HAPLN4: variants seen among roughly 807,000 people sequenced by gnomAD.
The protein encoded by HAPLN4 is brain link protein 2.
HAPLN4 carries 19 observed loss-of-function variants against 28.0 expected under a neutral mutation model. The observed-to-expected ratio is 0.68, with a 90% CI of 0.47 to 1.00. The LOEUF (loss-of-function observed/expected upper bound fraction) is 1.00, where lower values mean the gene tolerates loss of function less well. Among genes scored for constraint, HAPLN4 ranks in the 50% least tolerant of loss-of-function variants. The pLI is 0.00. For missense variants in HAPLN4, 587 were observed against 602.6 expected (o/e 0.97, Z 0.27); for synonymous variants, 274 against 273.0 (o/e 1.00, Z -0.03).
chr19:19,261,040 C>G lies in HAPLN4; in HGVS notation c.257G>C (p.Trp86Ser). 1 of 1,613,478 alleles carries G rather than the reference C, an allele frequency of 6.2e-7. No individual in the cohort carries two copies. The highest frequency in any genetic ancestry group is 8.5e-7 in the Non-Finnish European group (1 of 1,179,996). The change falls in exon 3 of 5, where the codon TGG (tryptophan) becomes TCG (serine). Residue 86 changes from tryptophan to serine, a missense_variant. Transcript: ENST00000291481. ...GGCCAGCGGGTCCACCACCTTTGTC[C>G]ACTTGAGCCGGACGCCGTCGTGACC... ...AHGHDGVRLKWTKVVDPLAFT... is the reference protein window; with the variant it reads ...AHGHDGVRLKSTKVVDPLAFT...
chr19:19,258,705 C>A lies in HAPLN4; in HGVS notation c.635G>T (p.Gly212Val). Residue 212 changes from glycine to valine, a missense_variant, in exon 4 of 5, where the codon GGC (glycine) becomes GTC (valine). Coordinates refer to ENST00000291481, the MANE Select transcript of HAPLN4 (RefSeq NM_023002.3). This position sits in a 1 kb window ranked among gnomAD's most constrained non-coding sequence, Gnocchi z 6.2. ...WRDGLDWCNAGWLRDGSVQYP... is the reference protein window; with the variant it reads ...WRDGLDWCNAVWLRDGSVQYP... ...TTGCACTGAGCCGTCGCGCAACCAG[C>A]CCGCGTTGCACCAGTCCAGGCCGTC... 6.2e-7 allele frequency: 1 copy of A among 1,605,626 alleles called. No individual in the cohort carries two copies.
chr19:19,257,811 C>G lies in HAPLN4; in HGVS notation c.*6G>C. On this transcript the variant is annotated 3_prime_UTR_variant, in exon 5 of 5. Transcript: ENST00000291481. ...CAAGCGCCCTGGCTGTCCGCCTACT[C>G]CCAGCCTAGACGTGCAGAGGGGTCC... The G allele has an allele frequency of 7.2e-7, 1 of 1,396,402 alleles. No homozygotes were observed. Among genetic ancestry groups the G allele is most frequent in the Non-Finnish European group, 9.2e-7 (1 of 1,083,262 alleles). 86.5% of individuals were successfully genotyped at this position (1,396,402 alleles called of 1,614,324 possible).
intron 3 of HAPLN4, among the ~76,000 whole-genome samples, chr19:19,260,224 T>C (rs545568114): frequency 4.4e-4 from 67 of 152,242 alleles, no homozygotes; most frequent in African/African-American, 1.5e-3. Context: ...TGTATTTATT[T>C]ATTTATTTTT....
chr19:19,259,855 A>G (rs1599832926), intron 3 of HAPLN4, among the ~76,000 whole-genome samples: 1 of 151,930 alleles, frequency 6.6e-6, no homozygotes, highest in Admixed American at 6.6e-5. Flanking sequence ...TCAAATAGAA[A>G]CCCCACCTCC....
chr19:19,258,873 G>T lies in HAPLN4; in HGVS notation c.485-18C>A. On this transcript the variant is annotated intron_variant, in intron 3 of 4. Coordinates refer to ENST00000291481, the MANE Select transcript of HAPLN4 (RefSeq NM_023002.3). This position sits in a 1 kb window ranked among gnomAD's most constrained non-coding sequence, Gnocchi z 6.2. The stretch of plus-strand genomic sequence containing the variant: ...GACCACGCCTGGCGGGGGGCGCACG[G>T]GATCAGCAGGTACACCCCAGCCCAC... 22 of 1,512,460 alleles carry T rather than the reference G, an allele frequency of 1.5e-5. No individual in the cohort carries two copies. Among genetic ancestry groups the T allele is most frequent in the Non-Finnish European group, 1.9e-5 (22 of 1,128,888 alleles). 93.7% of individuals were successfully genotyped at this position (1,512,460 alleles called of 1,614,324 possible). A position where few individuals can be genotyped will look rare whatever the true frequency, so the allele number is the denominator to read the frequency against.
Position 19,257,621 on chromosome 19 carries a change from C to A in HAPLN4, c.*196G>T. 1 of 536,056 alleles carries A rather than the reference C, an allele frequency of 1.9e-6. No individual in the cohort carries two copies. The allele number at this position is 536,056 out of a possible 1,614,324, so 33.2% of individuals were successfully genotyped here. On this transcript the variant is annotated 3_prime_UTR_variant, in exon 5 of 5. Transcript: ENST00000291481. Reference sequence around the variant, plus strand: ...CTATCCAGAAGAGGTGAGGGCTGGCCAGGCTCCAGGGAACTCCAAAGTACT... The same window carrying A: ...CTATCCAGAAGAGGTGAGGGCTGGCAAGGCTCCAGGGAACTCCAAAGTACT...
rs545136731 is a variant in HAPLN4 at position 19,258,514 on chromosome 19, C to A, written c.817+9G>T. The A allele has an allele frequency of 6.2e-7, 1 of 1,611,964 alleles. No homozygotes were observed. The highest frequency in any genetic ancestry group is 2.2e-5 in the East Asian group (1 of 44,864). On this transcript the variant is annotated intron_variant, in intron 4 of 4. Transcript: ENST00000291481. This position sits in a 1 kb window ranked among gnomAD's most constrained non-coding sequence, Gnocchi z 6.2. ...AGCAGAGGCCAGTCTTGGGGTGAGG[C>A]CTACGCACCCGGCAGGTTGGACGTG...
rs2060964462 is a variant in HAPLN4, at chr19:19,255,966, G to C, written c.*1851C>G. On this transcript the variant is annotated 3_prime_UTR_variant, in exon 5 of 5. Coordinates refer to ENST00000291481, the MANE Select transcript of HAPLN4 (RefSeq NM_023002.3). ...ATGGATCATGTCCCCCCAGCTGCCTGTCAACGCCGAGGACTTCGGCTGGGT... is the reference window on the plus strand; with the variant it reads ...ATGGATCATGTCCCCCCAGCTGCCTCTCAACGCCGAGGACTTCGGCTGGGT... 6.6e-6 allele frequency: 1 copy of C among 152,316 alleles called. No individual in the cohort carries two copies. The allele number at this position is 152,316 out of a possible 1,614,324, so 9.4% of individuals were successfully genotyped here.
intron 3 of HAPLN4, among the ~76,000 whole-genome samples, chr19:19,259,209 A>C (rs1011804871): frequency 6.6e-6 from 1 of 152,028 alleles, no homozygotes; most frequent in Non-Finnish European, 1.5e-5. Context: ...TGCCTCTGAC[A>C]TTCCGCCAGT....
rs774623314 is a variant in HAPLN4 at position 19,258,868 on chromosome 19, G to A, written c.485-13C>T. ...GGAAAGACCACGCCTGGCGGGGGGC[G>A]CACGGGATCAGCAGGTACACCCCAG... On this transcript the variant is annotated splice_polypyrimidine_tract_variant and intron_variant, in intron 3 of 4. Coordinates refer to ENST00000291481, the MANE Select transcript of HAPLN4 (RefSeq NM_023002.3). This position sits in a 1 kb window ranked among gnomAD's most constrained non-coding sequence, Gnocchi z 6.2. 228 of 1,522,672 alleles carry A rather than the reference G, an allele frequency of 1.5e-4. No individual in the cohort carries two copies. Among genetic ancestry groups the A allele is most frequent in the Middle Eastern group, 5.2e-4 (3 of 5,738 alleles). The allele number at this position is 1,522,672 out of a possible 1,614,324, so 94.3% of individuals were successfully genotyped here. A position where few individuals can be genotyped will look rare whatever the true frequency, so the allele number is the denominator to read the frequency against.
chr19:19,259,168 A>G (rs578154906), intron 3 of HAPLN4, among the ~76,000 whole-genome samples: 30 of 151,174 alleles, frequency 2.0e-4, no homozygotes, highest in Non-Finnish European at 3.5e-4. Context: ...TCAAAATCCA[A>G]CTCCCAAACC....
In HAPLN4 at chr19:19,258,651, C is replaced by A. The variant is rs1258901400; in HGVS notation, c.689G>T (p.Cys230Phe). Residue 230 changes from cysteine to phenylalanine, a missense_variant, in exon 4 of 5, where the codon TGC (cysteine) becomes TTC (phenylalanine). Coordinates refer to ENST00000291481, the MANE Select transcript of HAPLN4 (RefSeq NM_023002.3). The surrounding 1 kb of genome is among the most constrained non-coding windows in gnomAD (Gnocchi z 6.2). Reference sequence around the variant, plus strand: ...ACTCCCGGTCCCCCCCAGGCCGCCGCAGGGCTCCCGGGGCCGGTTCACGGG... The same window carrying A: ...ACTCCCGGTCCCCCCCAGGCCGCCGAAGGGCTCCCGGGGCCGGTTCACGGG... ...QYPVNRPREP[C>F]GGLGGTGSAG... The A allele has an allele frequency of 6.2e-7, 1 of 1,611,240 alleles. No individual in the cohort carries two copies. Among genetic ancestry groups the A allele is most frequent in the East Asian group, 2.2e-5 (1 of 44,834 alleles).
chr19:19,258,144 A>G lies in HAPLN4; in HGVS notation c.882T>C (p.Ala294=). ...VPFSGAARAC[A]ARGAAVAKVG... is the part of the protein sequence containing the mutation. Reference sequence around the variant, plus strand: ...CCTTGGCCACGGCCGCGCCACGCGCAGCACACGCGCGCGCAGCTCCGGAGA... The same window carrying G: ...CCTTGGCCACGGCCGCGCCACGCGCGGCACACGCGCGCGCAGCTCCGGAGA... The change falls in exon 5 of 5, where the codon GCT becomes GCC. Residue 294 remains alanine, a synonymous_variant. Coordinates refer to ENST00000291481, the MANE Select transcript of HAPLN4 (RefSeq NM_023002.3). The surrounding 1 kb of genome is among the most constrained non-coding windows in gnomAD (Gnocchi z 6.2). 6.5e-7 allele frequency: 1 copy of G among 1,546,638 alleles called. No individual in the cohort carries two copies. Among genetic ancestry groups the G allele is most frequent in the Non-Finnish European group, 8.7e-7 (1 of 1,153,404 alleles).
chr19:19,261,082 T>C lies in HAPLN4; in HGVS notation c.215A>G (p.Tyr72Cys), dbSNP rs765827919. ...GTIVLPCRYH[Y>C]EAAAHGHDGV... ...GTCGTGACCGTGGGCGGCTGCCTCA[T>C]AGTGGTAGCGGCAGGGCAAGACGAT... Residue 72 changes from tyrosine (Y) to cysteine (C), a missense_variant, in exon 3 of 5, where the codon TAT becomes TGT. Tyr to Cys is a radical substitution (Grantham distance 194, BLOSUM62 -2). Transcript: ENST00000291481. 2.5e-5 allele frequency: 41 copies of C among 1,612,854 alleles called. No individual in the cohort carries two copies. Among genetic ancestry groups the C allele is most frequent in the Non-Finnish European group, 3.4e-5 (40 of 1,179,956 alleles).
Position 19,257,418 on chromosome 19 carries a change from C to A in HAPLN4, c.*399G>T, listed in dbSNP as rs1315042744. The A allele has an allele frequency of 5.5e-6, 1 of 181,504 alleles. No homozygotes were observed. Among genetic ancestry groups the A allele is most frequent in the South Asian group, 2.0e-4 (1 of 5,092 alleles). The allele number at this position is 181,504 out of a possible 1,614,324, so 11.2% of individuals were successfully genotyped here. On this transcript the variant is annotated 3_prime_UTR_variant, in exon 5 of 5. Transcript: ENST00000291481. ...CAGTGAGATGCAGAAGGTGTACGGC[C>A]GGTCTCTAGTCAATCCCGGGGGTCC...
rs965140125 is a variant in HAPLN4 at position 19,261,579 on chromosome 19, G to A, written c.4-16C>T. On this transcript the variant is annotated splice_polypyrimidine_tract_variant and intron_variant, in intron 1 of 4. Transcript: ENST00000291481. ...GAGCGCACACCTGGGGGGCGGGCAC[G>A]GGGCGCTCAGTCCAGCCTCCCAGCC... 7.6e-6 allele frequency: 11 copies of A among 1,444,406 alleles called. No homozygotes were observed. The highest frequency in any genetic ancestry group is 1.5e-5 in the South Asian group (1 of 68,422). The allele number at this position is 1,444,406 out of a possible 1,614,324, so 89.5% of individuals were successfully genotyped here.
Position 19,255,557 on chromosome 19 carries a change from C to CAA in HAPLN4, c.*2258_*2259dup. 1 of 151,858 alleles carries CAA rather than the reference C, an allele frequency of 6.6e-6. No individual in the cohort carries two copies. Among genetic ancestry groups the CAA allele is most frequent in the Non-Finnish European group, 1.5e-5 (1 of 67,928 alleles). 9.4% of individuals were successfully genotyped at this position (151,858 alleles called of 1,614,324 possible). On this transcript the variant is annotated 3_prime_UTR_variant, in exon 5 of 5. Coordinates refer to ENST00000291481, the MANE Select transcript of HAPLN4 (RefSeq NM_023002.3). ...AGGACTCCATCTCAAAAAAACAAAA[C>CAA]AAAAAAAACCCCAAGCCCCCCAAGC...
chr19:19,261,010 G>C lies in HAPLN4; in HGVS notation c.287C>G (p.Thr96Ser). 1.2e-6 allele frequency: 2 copies of C among 1,613,680 alleles called. No individual in the cohort carries two copies. The highest frequency in any genetic ancestry group is 1.7e-6 in the Non-Finnish European group (2 of 1,179,994). Residue 96 changes from threonine to serine, a missense_variant, in exon 3 of 5, where the codon ACC becomes AGC. Transcript: ENST00000291481. ...GGGGCCTAGTGCCACGAAGACGTCG[G>C]TGAAGGCCAGCGGGTCCACCACCTT... ...WTKVVDPLAFTDVFVALGPQH... is the reference protein window; with the variant it reads ...WTKVVDPLAFSDVFVALGPQH...
Position 19,260,820 on chromosome 19 carries a change from G to A in HAPLN4, c.477C>T (p.Asp159=), listed in dbSNP as rs750982905. The A allele has an allele frequency of 1.2e-6, 2 of 1,607,880 alleles. No individual in the cohort carries two copies. The highest frequency in any genetic ancestry group is 2.2e-5 in the South Asian group (2 of 91,008). ...LEDDAGMVKL[D]LEGVVFPYHP... ...TCCCCACCGGCTGATCACCTTCCAG[G>A]TCCAGCTTGACCATGCCAGCGTCAT... The change falls in exon 3 of 5, where the codon GAC becomes GAT. Residue 159 remains aspartate, a synonymous_variant. Coordinates refer to ENST00000291481, the MANE Select transcript of HAPLN4 (RefSeq NM_023002.3).
Sources: allele counts gnomAD v4.1 joint callset (sites outside exome capture counted in the v4.1 genomes callset), GRCh38; gene constraint gnomAD v4.1.1; non-coding constraint Gnocchi (gnomAD v3.1); transcripts MANE v1.5; gene names NCBI Gene and HGNC (gene_info 2026-07-23, HGNC 2026-07-21).